The following KIF21A variants were observed in gnomAD, a reference collection of about 807,000 sequenced individuals.
KIF21A encodes the protein kinesin-like protein KIF21A.
In KIF21A, 114 loss-of-function variants were observed where a neutral mutation model predicts 202.9. The ratio of observed to expected loss-of-function variants is 0.56; its 90% CI spans 0.48 to 0.66. KIF21A has a LOEUF of 0.66. Among genes scored for constraint, KIF21A ranks in the 30% least tolerant of loss-of-function variants. The pLI is 0.00. For missense variants in KIF21A, 1,677 were observed against 1,994.9 expected (o/e 0.84, Z 3.04); for synonymous variants, 667 against 670.8 (o/e 0.99, Z 0.09).
At chr12:39,431,402 C>G (rs993712056) in intron 1 of KIF21A, among the ~76,000 whole-genome samples, 1 of 152,096 alleles carries the variant, frequency 6.6e-6, no homozygotes, top group African/African-American at 2.4e-5. Flanking sequence ...GAAACCAAGA[C>G]AAAAGCCAAG....
At chr12:39,421,873 CAT>C (rs1484107840) in intron 1 of KIF21A, among the ~76,000 whole-genome samples, 2 of 145,950 alleles carry the variant, frequency 1.4e-5, no homozygotes, top group African/African-American at 2.5e-5. Flanking sequence ...AAATAATAAA[CAT>C]ATATATGGCA....
At chr12:39,368,794 AT>A (rs2081913371) in intron 3 of KIF21A, among the ~76,000 whole-genome samples, 1 of 152,208 alleles carries the variant, frequency 6.6e-6, no homozygotes, top group South Asian at 2.1e-4. Flanking sequence ...GCTGAGGAAA[AT>A]TTTCATCAAT....
chr12:39,352,787 G>C (rs1257699884), intron 10 of KIF21A, among the ~76,000 whole-genome samples: 2 of 152,060 alleles, frequency 1.3e-5, no homozygotes, highest in Non-Finnish European at 2.9e-5. Flanking sequence ...TCTTTTGTTT[G>C]CTCAAGCAGT....
chr12:39,375,570 C>T (rs1266481310), intron 1 of KIF21A, among the ~76,000 whole-genome samples: 3 of 152,134 alleles, frequency 2.0e-5, no homozygotes, highest in Non-Finnish European at 4.4e-5. Flanking sequence ...CCTGCTTGCA[C>T]AGCAACCATA....
intron 13 of KIF21A, 65 bp downstream of exon 13, chr12:39,341,969 T>C: frequency 9.3e-7 from 1 of 1,074,556 alleles, no homozygotes; most frequent in Non-Finnish European, 1.4e-6. Context: ...GTTAGTAAGT[T>C]ATCATCAACC....
chr12:39,378,200 T>C (rs2139361431), intron 1 of KIF21A, among the ~76,000 whole-genome samples: 1 of 152,318 alleles, frequency 6.6e-6, no homozygotes, highest in South Asian at 2.1e-4. Flanking sequence ...TTCCTCTGAC[T>C]TCCACTCTAG....
chr12:39,395,663 G>A (rs1042063901), intron 1 of KIF21A, among the ~76,000 whole-genome samples: 6 of 151,828 alleles, frequency 4.0e-5, no homozygotes, highest in Non-Finnish European at 4.4e-5. Flanking sequence ...CCAACATGGG[G>A]AAACCCGATC....
intron 10 of KIF21A, among the ~76,000 whole-genome samples, chr12:39,354,861 C>T (rs58125663): frequency 0.082 from 12,414 of 152,174 alleles, 642 homozygotes; most frequent in South Asian, 0.28. Context: ...CATAATAACT[C>T]TCTGAGATTA....
At chr12:39,399,710 A>G in intron 1 of KIF21A, among the ~76,000 whole-genome samples, 1 of 152,156 alleles carries the variant, frequency 6.6e-6, no homozygotes, top group East Asian at 1.9e-4. Flanking sequence ...GAGGCCAGGC[A>G]TACTTGCCCC....
chr12:39,366,963 C>G, intron 5 of KIF21A, 67 bp downstream of exon 5: 2 of 1,425,628 alleles, frequency 1.4e-6, no homozygotes, highest in Non-Finnish European at 2.0e-6. Flanking sequence ...AATATATTCT[C>G]AGAGAATTCA....
At position 39,356,874 on chromosome 12, in the gene KIF21A, C is replaced by A; in HGVS notation, c.1427G>T (p.Ser476Ile). Residue 476 changes from serine to isoleucine, a missense_variant, in exon 10 of 38, where the codon AGT becomes ATT. This residue lies in a region of KIF21A where 966 missense variants were observed against 1,180.9 expected (regional missense o/e 0.82). Coordinates refer to ENST00000361418, the MANE Select transcript of KIF21A (RefSeq NM_001173464.2). ...TTTTATATAACTATGAATCATATTA[C>A]TAATCTCCTCATTTCCTTCACCTGA... The part of the protein sequence containing the change: ...ARAGEGNEEI[S>I]NMIHSYIKEI... 7.7e-7 allele frequency: 1 copy of A among 1,302,334 alleles called. No homozygotes were observed. The highest frequency in any genetic ancestry group is 1.1e-6 in the Non-Finnish European group (1 of 899,680). 80.7% of individuals were successfully genotyped at this position (1,302,334 alleles called of 1,614,324 possible). A position where few individuals can be genotyped will look rare whatever the true frequency, so the allele number is the denominator to read the frequency against.
intron 1 of KIF21A, among the ~76,000 whole-genome samples, chr12:39,376,581 C>T (rs1566042309): frequency 6.6e-6 from 1 of 152,078 alleles, no homozygotes; most frequent in Non-Finnish European, 1.5e-5. Flanking sequence ...AAATGAGCTA[C>T]TGAAGGAATG....
intron 24 of KIF21A, among the ~76,000 whole-genome samples, chr12:39,326,805 T>C (rs1945977545): frequency 6.6e-6 from 1 of 152,246 alleles, no homozygotes; most frequent in Non-Finnish European, 1.5e-5. Context: ...TTAATTTTTG[T>C]ATTTTTGCCT....
chr12:39,426,894 AAAAAG>A (rs1954807192), intron 1 of KIF21A, among the ~76,000 whole-genome samples: 3 of 151,780 alleles, frequency 2.0e-5, no homozygotes, highest in South Asian at 4.2e-4. Context: ...AAAAAAAAAA[AAAAAG>A]AAAAGAAAGA....
chr12:39,429,241 AAC>A (rs1954997334), intron 1 of KIF21A, among the ~76,000 whole-genome samples: 2 of 152,222 alleles, frequency 1.3e-5, no homozygotes, highest in African/African-American at 4.8e-5. Flanking sequence ...AATTTCCATT[AAC>A]ACACATACCA....
chr12:39,359,286 A>C (rs938851676), intron 7 of KIF21A, among the ~76,000 whole-genome samples: 5 of 152,174 alleles, frequency 3.3e-5, no homozygotes, highest in Non-Finnish European at 5.9e-5. Flanking sequence ...CAATCAACTA[A>C]GGTATCACCT....
intron 3 of KIF21A, among the ~76,000 whole-genome samples, chr12:39,368,564 T>C (rs1428938011): frequency 6.6e-6 from 1 of 152,122 alleles, no homozygotes; most frequent in Non-Finnish European, 1.5e-5. Flanking sequence ...CACACCTATT[T>C]TTCTATCAAT....
chr12:39,351,938 T>C lies in KIF21A; in HGVS notation c.1512A>G (p.Arg504=). The change falls in exon 11 of 38, where the codon CGA becomes CGG. Residue 504 remains arginine (R), a synonymous_variant. Transcript: ENST00000361418. ...LESEAVNENL[R]KNLTRATARA... ...TTGCTGTGGCTCTTGTCAAGTTTTT[T>C]CGAAGGTTCTCATTCACTGCTTCAC... 6.2e-7 allele frequency: 1 copy of C among 1,613,490 alleles called. No homozygotes were observed. Among genetic ancestry groups the C allele is most frequent in the Non-Finnish European group, 8.5e-7 (1 of 1,179,552 alleles).
At chr12:39,302,083 C>CT (rs1366238537) in intron 36 of KIF21A, among the ~76,000 whole-genome samples, 1 of 152,114 alleles carries the variant, frequency 6.6e-6, no homozygotes, top group East Asian at 1.9e-4. Flanking sequence ...CCAGTTTAAA[C>CT]TTTCAATAGA....
Sources: allele counts gnomAD v4.1 joint callset (sites outside exome capture counted in the v4.1 genomes callset), GRCh38; gene constraint gnomAD v4.1.1; regional missense constraint gnomAD v4.1.1; transcripts MANE v1.5; gene names NCBI Gene and HGNC (gene_info 2026-07-23, HGNC 2026-07-21).